The following ROBO1 variants were observed in gnomAD, a reference collection of about 807,000 sequenced individuals.
The protein encoded by ROBO1 is roundabout homolog 1.
Under a neutral mutation model 195.9 loss-of-function variants are expected in ROBO1, and 149 were observed. That is an observed-to-expected ratio of 0.76 (90% CI 0.67 to 0.87). The LOEUF (loss-of-function observed/expected upper bound fraction) is 0.87, where lower values mean the gene tolerates loss of function less well. Among genes scored for constraint, ROBO1 ranks in the 40% least tolerant of loss-of-function variants. The pLI, the probability that ROBO1 is intolerant of heterozygous loss-of-function variation, is 0.00. For synonymous variants in ROBO1, 816 were observed against 733.2 expected (o/e 1.11, Z -1.82); for missense variants, 1,933 against 2,068.3 (o/e 0.93, Z 1.27).
intron 2 of ROBO1, among the ~76,000 whole-genome samples, chr3:79,481,593 C>T (rs1460120828): frequency 2.0e-5 from 3 of 152,102 alleles, no homozygotes; most frequent in African/African-American, 4.8e-5. Flanking sequence ...AAATGTTTCT[C>T]ATACTTAATG....
At chr3:79,152,238 C>T (rs2080785424) in intron 2 of ROBO1, among the ~76,000 whole-genome samples, 1 of 151,766 alleles carries the variant, frequency 6.6e-6, no homozygotes, top group African/African-American at 2.4e-5. Flanking sequence ...AATAGTACAG[C>T]TGTTTATGTT....
At chr3:79,107,687 T>G (rs147561194) in intron 3 of ROBO1, among the ~76,000 whole-genome samples, 64 of 151,840 alleles carry the variant, frequency 4.2e-4, no homozygotes, top group African/African-American at 1.5e-3. Context: ...TGATTACTTA[T>G]GTAATCAGTA....
intron 1 of ROBO1, among the ~76,000 whole-genome samples, chr3:79,677,076 A>G (rs910246633): frequency 1.3e-5 from 2 of 151,542 alleles, no homozygotes; most frequent in Non-Finnish European, 2.9e-5. Flanking sequence ...ATGATTCCCA[A>G]CTCTTGGTGT....
intron 1 of ROBO1, among the ~76,000 whole-genome samples, chr3:79,695,954 C>A (rs1210048710): frequency 4.0e-5 from 6 of 151,166 alleles, no homozygotes; most frequent in Non-Finnish European, 1.5e-5. Context: ...TCCCCCCAAT[C>A]AAAACAAAAG....
chr3:79,221,725 A>G (rs1165036123), intron 2 of ROBO1, among the ~76,000 whole-genome samples: 4 of 152,060 alleles, frequency 2.6e-5, no homozygotes, highest in Admixed American at 6.6e-5. Context: ...GTACTTAATG[A>G]TTTTTTAGGC....
At chr3:79,394,043 A>T (rs994211268) in intron 2 of ROBO1, among the ~76,000 whole-genome samples, 2 of 152,200 alleles carry the variant, frequency 1.3e-5, no homozygotes, top group Non-Finnish European at 2.9e-5. Context: ...TTCCCTTAGT[A>T]TCACAAAAAG....
At position 78,636,090 on chromosome 3, in the gene ROBO1, T is replaced by C. The variant is rs1705481521; in HGVS notation, c.3056A>G (p.Tyr1019Cys). 3.7e-6 allele frequency: 6 copies of C among 1,611,492 alleles called. No individual in the cohort carries two copies. The East Asian group carries it at 1.3e-4, about 36-fold the overall frequency. ...TTGTTTGTTATCCAGTTGGTTGTTA[T>C]AATTTGCTATACAATCAGCTATGTG... ...YSRPADCIANYNNQLDNKQTN... is the reference protein window; with the variant it reads ...YSRPADCIANCNNQLDNKQTN... Residue 1019 changes from tyrosine (Y) to cysteine (C), a missense_variant, in exon 23 of 31, where the codon TAT becomes TGT. Physicochemically the swap from Tyr to Cys is radical, Grantham distance 194. Transcript: ENST00000464233.
At chr3:79,541,756 T>A (rs1402579990) in intron 2 of ROBO1, among the ~76,000 whole-genome samples, 3 of 28,018 alleles carry the variant, frequency 1.1e-4, no homozygotes, top group Non-Finnish European at 2.7e-4. Flanking sequence ...CACACACATA[T>A]GTGTGTGTGT....
At chr3:79,423,017 G>A (rs2038295088) in intron 2 of ROBO1, among the ~76,000 whole-genome samples, 1 of 151,988 alleles carries the variant, frequency 6.6e-6, no homozygotes, top group Admixed American at 6.6e-5. Flanking sequence ...GTGCTGGAGA[G>A]AATTATTTAC....
intron 2 of ROBO1, among the ~76,000 whole-genome samples, chr3:79,386,214 C>A (rs1334433051): frequency 6.6e-6 from 1 of 152,042 alleles, no homozygotes; most frequent in Admixed American, 6.6e-5. Context: ...AAATGGAAAA[C>A]AACTTACTGT....
At chr3:78,926,134 G>A (rs1432746448) in intron 4 of ROBO1, among the ~76,000 whole-genome samples, 1 of 152,116 alleles carries the variant, frequency 6.6e-6, no homozygotes, top group East Asian at 1.9e-4. Flanking sequence ...CTCCCAAAGT[G>A]CTGGGATTAT....
intron 2 of ROBO1, among the ~76,000 whole-genome samples, chr3:79,520,157 CA>C (rs111705222): frequency 0.02 from 1,962 of 96,364 alleles, 13 homozygotes; most frequent in African/African-American, 0.026. Context: ...AAGATTCTAT[CA>C]AAAAAAAAAA....
chr3:79,261,939 G>A (rs1401589264), intron 2 of ROBO1, among the ~76,000 whole-genome samples: 1 of 152,006 alleles, frequency 6.6e-6, no homozygotes, highest in East Asian at 1.9e-4. Context: ...ACTCAAGATT[G>A]TAAAAGACCT....
chr3:78,840,685 T>A (rs1179955435), intron 4 of ROBO1, among the ~76,000 whole-genome samples: 2 of 152,192 alleles, frequency 1.3e-5, no homozygotes, highest in African/African-American at 4.8e-5. Flanking sequence ...AAACTACAGT[T>A]AACATAGAAA....
chr3:79,351,768 G>T (rs1243732206), intron 2 of ROBO1, among the ~76,000 whole-genome samples: 2 of 152,088 alleles, frequency 1.3e-5, no homozygotes, highest in South Asian at 2.1e-4. Context: ...CTTATGAAAA[G>T]ATCTGATTTT....
intron 4 of ROBO1, among the ~76,000 whole-genome samples, chr3:78,780,685 T>A (rs1190238333): frequency 6.6e-6 from 1 of 152,162 alleles, no homozygotes; most frequent in Non-Finnish European, 1.5e-5. Context: ...AGGCTTTGTA[T>A]GAGTTGATTG....
chr3:79,453,638 T>C (rs990263865), intron 2 of ROBO1, among the ~76,000 whole-genome samples: 1 of 150,824 alleles, frequency 6.6e-6, no homozygotes, highest in Non-Finnish European at 1.5e-5. Flanking sequence ...TCTAACTGAA[T>C]GTAGGTCTCA....
chr3:78,943,391 C>A (rs2040248360), intron 3 of ROBO1, among the ~76,000 whole-genome samples: 1 of 152,190 alleles, frequency 6.6e-6, no homozygotes, highest in African/African-American at 2.4e-5. Flanking sequence ...AGCGAAACCA[C>A]AACCAGTATG....
chr3:78,939,994 G>A (rs2040046316), intron 3 of ROBO1, among the ~76,000 whole-genome samples: 1 of 151,964 alleles, frequency 6.6e-6, no homozygotes, highest in Admixed American at 6.6e-5. Context: ...CTCAAAAACA[G>A]GAATGATGTT....
Sources: allele counts gnomAD v4.1 joint callset (sites outside exome capture counted in the v4.1 genomes callset), GRCh38; gene constraint gnomAD v4.1.1; transcripts MANE v1.5; gene names NCBI Gene and HGNC (gene_info 2026-07-23, HGNC 2026-07-21).